PRKG1: variants seen among roughly 807,000 people sequenced by gnomAD.
PRKG1 encodes protein kinase cGMP-dependent 1.
Under a neutral mutation model 88.1 loss-of-function variants are expected in PRKG1, and 35 were observed. The ratio of observed to expected loss-of-function variants is 0.40; its 90% CI spans 0.30 to 0.53. The LOEUF is 0.53. Among genes scored for constraint, PRKG1 ranks in the 20% least tolerant of loss-of-function variants. The pLI, the probability that PRKG1 is intolerant of heterozygous loss-of-function variation, is 0.59. For missense variants in PRKG1, 540 were observed against 839.8 expected, an observed-to-expected ratio of 0.64 and a Z score of 4.41; for synonymous variants, 303 against 292.5, an observed-to-expected ratio of 1.04 and a Z score of -0.37.
In PRKG1 at chr10:52,038,119, G is replaced by A. The variant is rs559349361; in HGVS notation, c.763-16365G>A. Among the ~76,000 whole-genome samples, 4 of 152,292 alleles carry A rather than the reference G, an allele frequency of 2.6e-5. No individual in the cohort carries two copies. In the South Asian group the frequency reaches 8.3e-4, roughly 32 times the overall value. On this transcript the variant is annotated intron_variant, in intron 5 of 17. Transcript: ENST00000373980. ...ACTGTCGAGTTTGTATTGGGGTCAAGCAGCATTGCAGAAGAAAATAAGGCA... is the reference window on the plus strand; with the variant it reads ...ACTGTCGAGTTTGTATTGGGGTCAAACAGCATTGCAGAAGAAAATAAGGCA...
At chr10:51,485,116 A>G (rs1840491463) in intron 3 of PRKG1, among the ~76,000 whole-genome samples, 1 of 152,220 alleles carries the variant, frequency 6.6e-6, no homozygotes, top group Admixed American at 6.5e-5. Flanking sequence ...AACATTTTAA[A>G]TGAAGTTGAG....
intron 4 of PRKG1, among the ~76,000 whole-genome samples, chr10:51,853,376 G>A (rs557159272): frequency 5.9e-5 from 9 of 152,100 alleles, no homozygotes; most frequent in Admixed American, 4.6e-4. Context: ...TCAGTGTTTG[G>A]CATCTGCTAT....
chr10:51,021,152 G>A (rs887454153), intron 1 of PRKG1, among the ~76,000 whole-genome samples: 1 of 152,048 alleles, frequency 6.6e-6, no homozygotes, highest in East Asian at 1.9e-4. Context: ...TATCAAATAT[G>A]GTACACTCTT....
chr10:51,485,097 CT>C (rs566728604), intron 3 of PRKG1, among the ~76,000 whole-genome samples: 188 of 152,162 alleles, frequency 1.2e-3, no homozygotes, highest in Non-Finnish European at 2.4e-3. Context: ...TAATACAAGC[CT>C]TTTGCTCAAC....
intron 3 of PRKG1, among the ~76,000 whole-genome samples, chr10:51,757,402 C>A (rs981056697): frequency 6.6e-6 from 1 of 151,936 alleles, no homozygotes; most frequent in African/African-American, 2.4e-5. Context: ...CCGCTCCCAG[C>A]CCCTCAGTGG....
intron 3 of PRKG1, among the ~76,000 whole-genome samples, chr10:51,574,436 G>A (rs893275027): frequency 6.6e-5 from 10 of 151,932 alleles, no homozygotes; most frequent in Non-Finnish European, 1.0e-4. Flanking sequence ...GTCAAGGATA[G>A]GGAGGGGAGG....
chr10:51,135,294 T>C (rs1303968739), intron 1 of PRKG1, among the ~76,000 whole-genome samples: 1 of 152,112 alleles, frequency 6.6e-6, no homozygotes, highest in Non-Finnish European at 1.5e-5. Context: ...AGAGAATAAC[T>C]TATTTGACGT....
chr10:51,358,910 T>G (rs1842421032), intron 2 of PRKG1, among the ~76,000 whole-genome samples: 1 of 140,038 alleles, frequency 7.1e-6, no homozygotes, highest in East Asian at 2.4e-4. Context: ...TCCATCTTAG[T>G]TTTATAAATA....
intron 9 of PRKG1, among the ~76,000 whole-genome samples, chr10:52,164,566 A>C (rs1838378321): frequency 6.6e-6 from 1 of 152,080 alleles, no homozygotes; most frequent in African/African-American, 2.4e-5. Flanking sequence ...CCTTGCCTAG[A>C]AAACATTCAT....
chr10:52,159,011 T>C (rs1198567279), intron 8 of PRKG1, among the ~76,000 whole-genome samples: 1 of 151,388 alleles, frequency 6.6e-6, no homozygotes, highest in African/African-American at 2.4e-5. Flanking sequence ...TTAAAAATCA[T>C]AGCGATGAAG....
chr10:52,145,351 T>C (rs1235154463), intron 8 of PRKG1, among the ~76,000 whole-genome samples: 1 of 152,188 alleles, frequency 6.6e-6, no homozygotes, highest in Non-Finnish European at 1.5e-5. Context: ...CACAATGTCT[T>C]CGGAACTCAT....
intron 2 of PRKG1, among the ~76,000 whole-genome samples, chr10:51,190,431 T>C (rs892628277): frequency 3.3e-5 from 5 of 151,702 alleles, no homozygotes; most frequent in African/African-American, 1.2e-4. Flanking sequence ...ATTAGCAAGG[T>C]AGATGGGTAC....
chr10:51,312,623 T>G (rs1187191285), intron 2 of PRKG1, among the ~76,000 whole-genome samples: 1 of 152,174 alleles, frequency 6.6e-6, no homozygotes, highest in Non-Finnish European at 1.5e-5. Flanking sequence ...AGGACCATAG[T>G]AAAATTACAG....
intron 3 of PRKG1, among the ~76,000 whole-genome samples, chr10:51,503,633 G>C (rs116771825): frequency 6.6e-6 from 1 of 152,140 alleles, no homozygotes; most frequent in Non-Finnish European, 1.5e-5. Flanking sequence ...TGTTGTGAAA[G>C]CAATACATAT....
intron 3 of PRKG1, among the ~76,000 whole-genome samples, chr10:51,502,792 C>T (rs375193437): frequency 1.3e-5 from 2 of 152,108 alleles, no homozygotes; most frequent in African/African-American, 2.4e-5. Context: ...TAGAGGTCAG[C>T]GTTGAATTAT....
At chr10:51,749,249 TAGTC>T (rs746295023) in intron 3 of PRKG1, among the ~76,000 whole-genome samples, 4 of 152,222 alleles carry the variant, frequency 2.6e-5, no homozygotes, top group Non-Finnish European at 5.9e-5. Context: ...AGTTCTGTCT[TAGTC>T]AGCTCAGACT....
intron 2 of PRKG1, among the ~76,000 whole-genome samples, chr10:51,410,238 A>ATGTG (rs762105037): frequency 0.043 from 6,208 of 143,724 alleles, 158 homozygotes; most frequent in Admixed American, 0.069. Context: ...GTGTGTGTGT[A>ATGTG]TGTGTGTGTG....
intron 2 of PRKG1, among the ~76,000 whole-genome samples, chr10:51,464,453 T>C (rs1411457043): frequency 6.6e-6 from 1 of 152,192 alleles, no homozygotes; most frequent in Non-Finnish European, 1.5e-5. Flanking sequence ...TAAGTGATTT[T>C]TAGCTATTCC....
chr10:51,004,308 A>G lies in PRKG1; in HGVS notation c.266+12664A>G, dbSNP rs78685615. ...GAGAAACCCCGTCTCTACTAAAAAT[A>G]CAAAGTTATCCGGACGTGGTGGTGC... On this transcript the variant is annotated intron_variant, in intron 1 of 17. Transcript: ENST00000401604. 1.9e-3 allele frequency among the ~76,000 whole-genome samples: 291 copies of G among 152,314 alleles called. 2 individuals carry two copies. The highest frequency in any genetic ancestry group is 6.7e-3 in the African/African-American group (279 of 41,564).
Sources: allele counts gnomAD v4.1 joint callset (sites outside exome capture counted in the v4.1 genomes callset), GRCh38; gene constraint gnomAD v4.1.1; transcripts MANE v1.5; gene names NCBI Gene and HGNC (gene_info 2026-07-23, HGNC 2026-07-21).